The following ZNF569 variants were observed in gnomAD, a reference collection of about 807,000 sequenced individuals.
ZNF569 encodes zinc finger protein 569, also known as DNA-binding protein.
ZNF569 carries 38 observed loss-of-function variants against 56.3 expected under a neutral mutation model. The observed-to-expected ratio is 0.68, with a 90% CI of 0.52 to 0.88. The LOEUF (loss-of-function observed/expected upper bound fraction) is 0.88. ZNF569 is among the 40% of genes least tolerant of loss of function. The pLI is 0.00. For synonymous variants in ZNF569, 241 were observed against 262.9 expected (o/e 0.92, Z 0.81); for missense variants, 666 against 809.2 (o/e 0.82, Z 2.15).
At chr19:37,444,325 C>T (rs2041457011) in intron 3 of ZNF569, among the ~76,000 whole-genome samples, 1 of 152,020 alleles carries the variant, frequency 6.6e-6, no homozygotes, top group Non-Finnish European at 1.5e-5. Context: ...TTTCTGGCTT[C>T]TTTCATTCTA....
chr19:37,414,529 T>C, intron 5 of ZNF569, 110 bp from the exon 6 acceptor site: 2 of 1,430,416 alleles, frequency 1.4e-6, no homozygotes, highest in Non-Finnish European at 1.8e-6. Flanking sequence ...GTTTAAGCCC[T>C]ACTCTCCCAC....
chr19:37,469,043 A>T, upstream of ZNF569: 1 of 991,676 alleles, frequency 1.0e-6, no homozygotes, highest in Non-Finnish European at 1.2e-6. Context: ...GGAGGCGCGC[A>T]GAGCGCTTGT....
At chr19:37,443,218 C>T (rs1017302954) in intron 3 of ZNF569, among the ~76,000 whole-genome samples, 3 of 152,054 alleles carry the variant, frequency 2.0e-5, no homozygotes, top group East Asian at 1.9e-4. Flanking sequence ...TGGTGGCGCA[C>T]GCCTGTAATC....
intron 3 of ZNF569, among the ~76,000 whole-genome samples, chr19:37,433,235 C>T (rs760316727): frequency 6.6e-6 from 1 of 151,818 alleles, no homozygotes; most frequent in Non-Finnish European, 1.5e-5. Flanking sequence ...CACTGAACAA[C>T]AGAATTGATC....
At chr19:37,467,718 G>A (rs761485789), upstream of ZNF569, 73 of 660,194 alleles carry the variant, frequency 1.1e-4, no homozygotes, top group Non-Finnish European at 1.8e-4. Flanking sequence ...GTGACGTAGT[G>A]TGACTGTATG....
intron 5 of ZNF569, among the ~76,000 whole-genome samples, chr19:37,419,471 C>T (rs2040992455): frequency 6.6e-6 from 1 of 152,012 alleles, no homozygotes; most frequent in African/African-American, 2.4e-5. Context: ...ACTGTAATCC[C>T]AGCACTTTGG....
At chr19:37,432,137 C>G (rs1001065447) in intron 3 of ZNF569, among the ~76,000 whole-genome samples, 2 of 152,170 alleles carry the variant, frequency 1.3e-5, no homozygotes, top group Non-Finnish European at 2.9e-5. Context: ...GACTGGCTGG[C>G]TTTGCCACCT....
chr19:37,459,164 T>A (rs151153748), intron 2 of ZNF569, among the ~76,000 whole-genome samples: 1 of 152,142 alleles, frequency 6.6e-6, no homozygotes, highest in East Asian at 1.9e-4. Context: ...TGTCCATGAA[T>A]GTTTCAAATT....
intron 3 of ZNF569, among the ~76,000 whole-genome samples, chr19:37,442,488 C>T (rs568105836): frequency 6.6e-6 from 1 of 151,994 alleles, no homozygotes; most frequent in South Asian, 2.1e-4. Flanking sequence ...CCAAGAGGGG[C>T]TTTGTAAGGG....
Position 37,423,344 on chromosome 19 carries a change from C to T in ZNF569, c.238+2524G>A, listed in dbSNP as rs117698386. On this transcript the variant is annotated intron_variant, in intron 5 of 5. Transcript: ENST00000316950. ...CCAAATTTTCTAGGGAGTTTTAACACTAATGCTATATAAATGCTCTAGAGC... is the reference window on the plus strand; with the variant it reads ...CCAAATTTTCTAGGGAGTTTTAACATTAATGCTATATAAATGCTCTAGAGC... Among the ~76,000 whole-genome samples the T allele has an allele frequency of 1.1e-3, 163 of 152,270 alleles. 5 individuals carry two copies. In the East Asian group the frequency reaches 0.026, roughly 24 times the overall value.
At chr19:37,415,240 C>T (rs985932062) in intron 5 of ZNF569, among the ~76,000 whole-genome samples, 5 of 151,570 alleles carry the variant, frequency 3.3e-5, no homozygotes, top group East Asian at 1.9e-4. Context: ...TCCAGGGATA[C>T]GTTTCGATAA....
intron 5 of ZNF569, 21 bp from the exon 6 acceptor site, chr19:37,414,440 A>G: frequency 6.5e-7 from 1 of 1,528,652 alleles, no homozygotes; most frequent in Non-Finnish European, 8.7e-7. Flanking sequence ...TTGCAAATAA[A>G]TATCACTTAC....
At chr19:37,435,342 C>A (rs1401041662) in intron 3 of ZNF569, among the ~76,000 whole-genome samples, 1 of 151,852 alleles carries the variant, frequency 6.6e-6, no homozygotes, top group East Asian at 1.9e-4. Flanking sequence ...AAGTAAAATG[C>A]AAGAAATTAA....
At chr19:37,457,963 G>A (rs181288734) in intron 2 of ZNF569, among the ~76,000 whole-genome samples, 70 of 152,066 alleles carry the variant, frequency 4.6e-4, no homozygotes, top group Middle Eastern at 3.4e-3. Flanking sequence ...CTTCATCTCC[G>A]AGATTCAAGT....
intron 3 of ZNF569, among the ~76,000 whole-genome samples, chr19:37,430,226 T>C (rs1310526396): frequency 6.7e-6 from 1 of 148,214 alleles, no homozygotes; most frequent in Non-Finnish European, 1.5e-5. Context: ...GACTCAGAAA[T>C]GTGAGCTAGA....
intron 3 of ZNF569, among the ~76,000 whole-genome samples, chr19:37,427,434 G>A (rs573991735): frequency 1.7e-4 from 26 of 152,150 alleles, no homozygotes; most frequent in African/African-American, 6.0e-4. Context: ...ATGCCCAAAC[G>A]TATATGAACA....
chr19:37,445,071 C>T (rs1053273632), intron 2 of ZNF569, 107 bp from the exon 3 acceptor site: 1 of 826,126 alleles, frequency 1.2e-6, no homozygotes, highest in African/African-American at 1.8e-5. Context: ...ATAATTAAAT[C>T]TATCAGAAAT....
intron 3 of ZNF569, among the ~76,000 whole-genome samples, chr19:37,428,798 C>T (rs539122802): frequency 1.5e-4 from 23 of 151,802 alleles, no homozygotes; most frequent in Non-Finnish European, 2.8e-4. Context: ...CCTCAGTCTC[C>T]CAAATAGCTA....
At chr19:37,426,656 G>A (rs1158000064) in intron 3 of ZNF569, among the ~76,000 whole-genome samples, 1 of 152,206 alleles carries the variant, frequency 6.6e-6, no homozygotes, top group Non-Finnish European at 1.5e-5. Flanking sequence ...GATCTCACAA[G>A]ATACCAAAGG....
Sources: gnomAD v4.1 joint callset for allele counts (sites outside exome capture counted in the v4.1 genomes callset) on GRCh38, gnomAD v4.1.1 for gene constraint, MANE v1.5 for transcripts, NCBI Gene and HGNC (gene_info 2026-07-23, HGNC 2026-07-21) for gene names.